PPARA: variants seen among roughly 807,000 people sequenced by gnomAD.
PPARA encodes the protein peroxisome proliferator activated receptor alpha.
A neutral mutation model predicts 42.2 loss-of-function variants in PPARA; 22 were observed. The observed-to-expected ratio is 0.52, with a 90% CI of 0.37 to 0.74. The LOEUF (loss-of-function observed/expected upper bound fraction) is 0.74, where lower values mean the gene tolerates loss of function less well. PPARA is among the 30% of genes least tolerant of loss of function. The pLI is 0.00. For missense variants in PPARA, 465 were observed against 608.2 expected, an observed-to-expected ratio of 0.76 and a Z score of 2.48; for synonymous variants, 242 against 239.3, an observed-to-expected ratio of 1.01 and a Z score of -0.10.
In PPARA at chr22:46,222,309, T is replaced by G. The variant is rs1935069250; in HGVS notation, c.711+2295T>G. Among the ~76,000 whole-genome samples, 1 of 152,028 alleles carries G rather than the reference T, an allele frequency of 6.6e-6. No individual in the cohort carries two copies. Among genetic ancestry groups the G allele is most frequent in the African/African-American group, 2.4e-5 (1 of 41,358 alleles). On this transcript the variant is annotated intron_variant, in intron 7 of 8. Coordinates refer to ENST00000407236, the MANE Select transcript of PPARA (RefSeq NM_005036.6). The surrounding 1 kb of genome is among the most constrained non-coding windows in gnomAD (Gnocchi z 5.9). ...CAAAGAAGAGCCAGCCCTCAGTTGG[T>G]GAATGAAGATACTTTGACATTTTCC...
chr22:46,203,890 G>A lies in PPARA; in HGVS notation c.208+5299G>A, dbSNP rs1474974887. On this transcript the variant is annotated intron_variant, in intron 4 of 8. Transcript: ENST00000407236. This position sits in a 1 kb window ranked among gnomAD's most constrained non-coding sequence, Gnocchi z 5.8. ...AGCACCTGAGGTAAACACTTGTGGG[G>A]CAGGTTGCAGATTCTCTGGGGACGC... Among the ~76,000 whole-genome samples, 1 of 152,214 alleles carries A rather than the reference G, an allele frequency of 6.6e-6. No homozygotes were observed. The highest frequency in any genetic ancestry group is 2.4e-5 in the African/African-American group (1 of 41,468).
chr22:46,198,653 T>TCA, intron 4 of PPARA, 62 bp downstream of exon 4: 1 of 1,339,082 alleles, frequency 7.5e-7, no homozygotes, highest in South Asian at 1.2e-5. Flanking sequence ...AGAAAACTGT[T>TCA]CTCTCTTTTT....
chr22:46,227,352 A>G lies in PPARA; in HGVS notation c.712-4440A>G, dbSNP rs573271603. ...CTGCAACCTCCCCCTCCTGGGTTCA[A>G]GCGATTCTCCTGCCTCAGCCTCCTA... is the stretch of plus-strand genomic sequence containing the variant. On this transcript the variant is annotated intron_variant, in intron 7 of 8. Coordinates refer to ENST00000407236, the MANE Select transcript of PPARA (RefSeq NM_005036.6). The surrounding 1 kb of genome is among the most constrained non-coding windows in gnomAD (Gnocchi z 4.3). Among the ~76,000 whole-genome samples, 1 of 152,182 alleles carries G rather than the reference A, an allele frequency of 6.6e-6. No homozygotes were observed. Among genetic ancestry groups the G allele is most frequent in the African/African-American group, 2.4e-5 (1 of 41,498 alleles).
rs941899124 is a variant in PPARA, at chr22:46,225,531, C to T, written c.711+5517C>T. ...CACGCACATACCCACACTCACACAT[C>T]CGTGCACACACGGGTACACACACAT... On this transcript the variant is annotated intron_variant, in intron 7 of 8. Transcript: ENST00000407236. This position sits in a 1 kb window ranked among gnomAD's most constrained non-coding sequence, Gnocchi z 4.1. 6.6e-6 allele frequency among the ~76,000 whole-genome samples: 1 copy of T among 152,032 alleles called. No individual in the cohort carries two copies. Among genetic ancestry groups the T allele is most frequent in the Admixed American group, 6.6e-5 (1 of 15,256 alleles).
chr22:46,168,568 A>C (rs1478986120), intron 2 of PPARA, among the ~76,000 whole-genome samples: 1 of 151,878 alleles, frequency 6.6e-6, no homozygotes, highest in East Asian at 1.9e-4. Context: ...TAATTCAATA[A>C]GATGTCAAAC....
Position 46,191,934 on chromosome 22 carries a change from G to A in PPARA, c.-42-6408G>A, listed in dbSNP as rs537605535. Among the ~76,000 whole-genome samples the A allele has an allele frequency of 4.6e-5, 7 of 152,232 alleles. No individual in the cohort carries two copies. Among genetic ancestry groups the A allele is most frequent in the Admixed American group, 2.0e-4 (3 of 15,288 alleles). On this transcript the variant is annotated intron_variant, in intron 3 of 8. Coordinates refer to ENST00000407236, the MANE Select transcript of PPARA (RefSeq NM_005036.6). This position sits in a 1 kb window ranked among gnomAD's most constrained non-coding sequence, Gnocchi z 4.6. ...TACAAAAGTAGCCGGGCGTGGTGGC[G>A]CACGCCCGTAGTCCCAGCTACTCAG...
chr22:46,242,414 C>T lies in PPARA; in HGVS notation c.*7034C>T, dbSNP rs1936396832. On this transcript the variant is annotated 3_prime_UTR_variant, in exon 9 of 9. Coordinates refer to ENST00000407236, the MANE Select transcript of PPARA (RefSeq NM_005036.6). The surrounding 1 kb of genome is among the most constrained non-coding windows in gnomAD (Gnocchi z 6.1). ...TCAGTTCCTTTTCTCATGTACCTCA[C>T]AAAAGATGAAGACCATGTAGTACTC... is the stretch of plus-strand genomic sequence containing the variant. 6.6e-6 allele frequency: 1 copy of T among 152,610 alleles called. No individual in the cohort carries two copies. Among genetic ancestry groups the T allele is most frequent in the East Asian group, 1.9e-4 (1 of 5,202 alleles). 9.5% of individuals were successfully genotyped at this position (152,610 alleles called of 1,614,324 possible).
At chr22:46,209,046 A>G (rs1195239943) in intron 4 of PPARA, among the ~76,000 whole-genome samples, 2 of 152,136 alleles carry the variant, frequency 1.3e-5, no homozygotes, top group East Asian at 3.8e-4. Context: ...TCTCTTCAGC[A>G]TACTGCTTCC....
chr22:46,154,891 C>G (rs58904757), intron 2 of PPARA: 2 of 146,768 alleles, frequency 1.4e-5, no homozygotes, highest in Non-Finnish European at 1.5e-5. Context: ...TCAGACCTGT[C>G]TCAAACTCCT....
At position 46,180,161 on chromosome 22, in the gene PPARA, A is replaced by G. The variant is rs1422312998; in HGVS notation, c.-43+3325A>G. The stretch of plus-strand genomic sequence containing the variant: ...TCTTTGCTGACAGGAAGGTAAAATG[A>G]TACAAACACATTGAAAAACAGGTTG... On this transcript the variant is annotated intron_variant, in intron 3 of 8. Transcript: ENST00000407236. This position sits in a 1 kb window ranked among gnomAD's most constrained non-coding sequence, Gnocchi z 4.2. 1.3e-5 allele frequency among the ~76,000 whole-genome samples: 2 copies of G among 151,662 alleles called. No homozygotes were observed. Among genetic ancestry groups the G allele is most frequent in the Admixed American group, 6.6e-5 (1 of 15,216 alleles).
intron 7 of PPARA, among the ~76,000 whole-genome samples, chr22:46,223,163 C>G (rs768500454): frequency 6.6e-6 from 1 of 151,854 alleles, no homozygotes; most frequent in African/African-American, 2.4e-5. Context: ...AAAAAAAATT[C>G]GAAGCAGAGT....
At position 46,235,076 on chromosome 22, in the gene PPARA, T is replaced by C; in HGVS notation, c.1160-57T>C. 1 of 1,611,120 alleles carries C rather than the reference T, an allele frequency of 6.2e-7. No individual in the cohort carries two copies. The highest frequency in any genetic ancestry group is 1.1e-5 in the South Asian group (1 of 90,838). Reference sequence around the variant, plus strand: ...AGGCATGTTTGGTTCCTGAAACTGATAAGCAGTTCTTGGGTGATTATCACA... The same window carrying C: ...AGGCATGTTTGGTTCCTGAAACTGACAAGCAGTTCTTGGGTGATTATCACA... On this transcript the variant is annotated intron_variant, in intron 8 of 8. Transcript: ENST00000407236. The surrounding 1 kb of genome is among the most constrained non-coding windows in gnomAD (Gnocchi z 7.0).
rs2147168930 is a variant in PPARA, at chr22:46,167,910, G to A, written c.-126-8843G>A. ...AAAAAAAATAAAAAGCCTGTGCCAG[G>A]CACAGTGGCACATGTCTGTAGTCCT... On this transcript the variant is annotated intron_variant, in intron 2 of 8. Transcript: ENST00000407236. The surrounding 1 kb of genome is among the most constrained non-coding windows in gnomAD (Gnocchi z 4.1). Among the ~76,000 whole-genome samples the A allele has an allele frequency of 6.6e-6, 1 of 152,016 alleles. No individual in the cohort carries two copies. Among genetic ancestry groups the A allele is most frequent in the Admixed American group, 6.6e-5 (1 of 15,252 alleles).
At position 46,204,110 on chromosome 22, in the gene PPARA, AG is replaced by A. The variant is rs1386032367; in HGVS notation, c.208+5520del. On this transcript the variant is annotated intron_variant, in intron 4 of 8. Transcript: ENST00000407236. The surrounding 1 kb of genome is among the most constrained non-coding windows in gnomAD (Gnocchi z 5.2). ...GAATTTTATATAAATGGAATCATAC[AG>A]CACGTACTCTTTCTAGGCTGGCTTC... is the stretch of plus-strand genomic sequence containing the variant. 1.3e-5 allele frequency among the ~76,000 whole-genome samples: 2 copies of A among 152,240 alleles called. No individual in the cohort carries two copies. The highest frequency in any genetic ancestry group is 1.5e-5 in the Non-Finnish European group (1 of 68,050).
At chr22:46,217,687 A>G (rs1476726459) in intron 5 of PPARA, among the ~76,000 whole-genome samples, 1 of 152,182 alleles carries the variant, frequency 6.6e-6, no homozygotes, top group Non-Finnish European at 1.5e-5. Flanking sequence ...TGTTTTCCCA[A>G]GTCAGATGAG....
intron 4 of PPARA, among the ~76,000 whole-genome samples, chr22:46,207,548 G>A (rs1167149205): frequency 1.3e-5 from 2 of 149,736 alleles, no homozygotes. Context: ...CTCCCAAAGT[G>A]CTGGGATTAC....
intron 2 of PPARA, chr22:46,176,174 CAGAT>C (rs1000667495): frequency 4.0e-5 from 6 of 151,534 alleles, no homozygotes; most frequent in East Asian, 2.0e-4. Flanking sequence ...GACGGACGGA[CAGAT>C]AGATAGGTAG....
rs1932922316 is a variant in PPARA, at chr22:46,203,012, C to A, written c.208+4421C>A. 6.6e-6 allele frequency among the ~76,000 whole-genome samples: 1 copy of A among 152,046 alleles called. No individual in the cohort carries two copies. Among genetic ancestry groups the A allele is most frequent in the African/African-American group, 2.4e-5 (1 of 41,398 alleles). ...ACCACACTGAAGCGTCCTGGTCACC[C>A]ATCCCTGGTTTTGACCACCAGCCTT... On this transcript the variant is annotated intron_variant, in intron 4 of 8. Coordinates refer to ENST00000407236, the MANE Select transcript of PPARA (RefSeq NM_005036.6). This position sits in a 1 kb window ranked among gnomAD's most constrained non-coding sequence, Gnocchi z 5.8.
chr22:46,226,882 GA>G (rs1033989052), intron 7 of PPARA, among the ~76,000 whole-genome samples: 1 of 151,166 alleles, frequency 6.6e-6, no homozygotes, highest in African/African-American at 2.4e-5. Flanking sequence ...ACAGAAAAAA[GA>G]AAAAAAAAGT....
Sources: allele counts gnomAD v4.1 joint callset (sites outside exome capture counted in the v4.1 genomes callset), GRCh38; gene constraint gnomAD v4.1.1; non-coding constraint Gnocchi (gnomAD v3.1); transcripts MANE v1.5; gene names NCBI Gene and HGNC (gene_info 2026-07-23, HGNC 2026-07-21).